The following HEATR5B variants were observed in gnomAD, a reference collection of about 807,000 sequenced individuals.
The protein encoded by HEATR5B is HEAT repeat containing 5B, also known as HEAT repeat-containing protein 5B.
Under a neutral mutation model 224.1 loss-of-function variants are expected in HEATR5B, and 156 were observed. The observed-to-expected ratio is 0.70, with a 90% CI of 0.61 to 0.80. The LOEUF (loss-of-function observed/expected upper bound fraction) is 0.80. HEATR5B is among the 30% of genes least tolerant of loss of function. HEATR5B has a pLI of 0.00. For synonymous variants in HEATR5B, 1,027 were observed against 893.0 expected (o/e 1.15, Z -2.68); for missense variants, 2,323 against 2,535.5 (o/e 0.92, Z 1.80).
intron 19 of HEATR5B, 131 bp downstream of exon 19, chr2:37,041,002 G>T: frequency 1.5e-6 from 1 of 670,580 alleles, no homozygotes; most frequent in Non-Finnish European, 2.5e-6. Context: ...ATCTTGCTAT[G>T]TACTATTACA....
Position 37,000,202 on chromosome 2 carries a change from C to G in HEATR5B, c.5545+384G>C, listed in dbSNP as rs187116864. Among the ~76,000 whole-genome samples, 350 of 151,952 alleles carry G rather than the reference C, an allele frequency of 2.3e-3. 1 individual carries two copies. Among genetic ancestry groups the G allele is most frequent in the Non-Finnish European group, 3.6e-3 (245 of 67,950 alleles). On this transcript the variant is annotated intron_variant, in intron 33 of 35. Coordinates refer to ENST00000233099, the MANE Select transcript of HEATR5B (RefSeq NM_019024.3). Reference sequence around the variant, plus strand: ...AAGCAATTCTCCTGCCTCAGCCTCCCAAGTAGCTGGGATTACAGGCACGTG... The same window carrying G: ...AAGCAATTCTCCTGCCTCAGCCTCCGAAGTAGCTGGGATTACAGGCACGTG...
At chr2:37,058,036 T>C (rs1158342923) in intron 14 of HEATR5B, among the ~76,000 whole-genome samples, 1 of 152,196 alleles carries the variant, frequency 6.6e-6, no homozygotes, top group Non-Finnish European at 1.5e-5. Context: ...CTCCAGATCC[T>C]CGAATTATTT....
Position 37,007,338 on chromosome 2 carries a change from T to C in HEATR5B, c.4523-34A>G, listed in dbSNP as rs768328395. Reference sequence around the variant, plus strand: ...CAATCAAATCAATTAAAAACATTACTTTTTTTTTTTTTTTTTTTTTTTTGA... The same window carrying C: ...CAATCAAATCAATTAAAAACATTACCTTTTTTTTTTTTTTTTTTTTTTTGA... On this transcript the variant is annotated intron_variant, in intron 28 of 35. Transcript: ENST00000233099. 12 of 151,452 alleles carry C rather than the reference T, an allele frequency of 7.9e-5. No individual in the cohort carries two copies. In the East Asian group the frequency reaches 9.7e-3, roughly 122 times the overall value. The allele number at this position is 151,452 out of a possible 1,614,324, so 9.4% of individuals were successfully genotyped here. A position where few individuals can be genotyped will look rare whatever the true frequency, so the allele number is the denominator to read the frequency against.
rs765382885 is a variant in HEATR5B, at chr2:37,000,754, C to A, written c.5377G>T (p.Ala1793Ser). The part of the protein sequence containing the change: ...FLIARILKDT[A>S]IKSADNQVPP... ...ACCTGATTATCTGCAGACTTTATTGCTGTGTCTTTCAATATTCTTGCAATT... is the reference window on the plus strand; with the variant it reads ...ACCTGATTATCTGCAGACTTTATTGATGTGTCTTTCAATATTCTTGCAATT... Residue 1793 changes from alanine to serine, a missense_variant, in exon 33 of 36, where the codon GCA becomes TCA. By Grantham distance (99) the Ala-to-Ser change is moderately conservative (BLOSUM62 1). Around this residue, in one of 12 missense-constraint regions of HEATR5B, gnomAD observed 844 missense variants for 812.9 expected, o/e 1.04. Coordinates refer to ENST00000233099, the MANE Select transcript of HEATR5B (RefSeq NM_019024.3). 6.2e-7 allele frequency: 1 copy of A among 1,614,002 alleles called. No homozygotes were observed.
At chr2:37,038,918 G>GA (rs1553313678) in intron 20 of HEATR5B, among the ~76,000 whole-genome samples, 7 of 144,616 alleles carry the variant, frequency 4.8e-5, no homozygotes, top group Non-Finnish European at 1.1e-4. Flanking sequence ...GGGGGGGGTG[G>GA]GGAATCACAT....
intron 2 of HEATR5B, among the ~76,000 whole-genome samples, chr2:37,081,463 A>T (rs901207617): frequency 6.6e-6 from 1 of 152,226 alleles, no homozygotes; most frequent in Non-Finnish European, 1.5e-5. Context: ...AGAAAGAATC[A>T]ACACAGTATT....
At position 37,003,647 on chromosome 2, in the gene HEATR5B, G is replaced by C; in HGVS notation, c.4945C>G (p.Leu1649Val). The change falls in exon 31 of 36, where the codon CTA (leucine) becomes GTA (valine). Residue 1649 changes from leucine to valine, a missense_variant. Leu to Val is a conservative substitution (Grantham distance 32). Transcript: ENST00000233099. ...ACAGATGATGGATTCCAGGTCAATAGAAGGCGGTGCAAAACACTCAGCAAC... is the reference window on the plus strand; with the variant it reads ...ACAGATGATGGATTCCAGGTCAATACAAGGCGGTGCAAAACACTCAGCAAC... ...VELLSVLHRL[L>V]LTWNPSSVQL... 2 of 1,612,244 alleles carry C rather than the reference G, an allele frequency of 1.2e-6. No homozygotes were observed. The highest frequency in any genetic ancestry group is 1.7e-6 in the Non-Finnish European group (2 of 1,178,884).
chr2:37,056,763 A>ATTAC, intron 15 of HEATR5B, 148 bp from the exon 16 acceptor site: 2 of 635,738 alleles, frequency 3.1e-6, no homozygotes, highest in Non-Finnish European at 5.1e-6. Flanking sequence ...AACAGACCAA[A>ATTAC]ATGTAATTTG....
At chr2:37,052,364 T>C (rs575610697) in intron 17 of HEATR5B, among the ~76,000 whole-genome samples, 1 of 152,132 alleles carries the variant, frequency 6.6e-6, no homozygotes, top group Non-Finnish European at 1.5e-5. Flanking sequence ...TGGGAACTTG[T>C]TTCTGTTCAT....
At chr2:37,051,987 G>A (rs1273926692) in intron 17 of HEATR5B, among the ~76,000 whole-genome samples, 6 of 152,004 alleles carry the variant, frequency 3.9e-5, no homozygotes, top group South Asian at 4.2e-4. Context: ...TGATCCCCCC[G>A]CCTCGGCCTC....
intron 7 of HEATR5B, among the ~76,000 whole-genome samples, chr2:37,069,859 AAC>A (rs1484760142): frequency 1.3e-5 from 2 of 152,060 alleles, no homozygotes; most frequent in Admixed American, 6.6e-5. Flanking sequence ...GTTACTTAGT[AAC>A]AGTTTTCCAC....
At chr2:37,077,863 C>T (rs936549648) in intron 3 of HEATR5B, among the ~76,000 whole-genome samples, 1 of 152,150 alleles carries the variant, frequency 6.6e-6, no homozygotes, top group Non-Finnish European at 1.5e-5. Flanking sequence ...TAATACTATA[C>T]TATTAGTAAA....
rs1205876501 is a variant in HEATR5B at position 37,053,553 on chromosome 2, G to A, written c.2454C>T (p.Arg818=). The A allele has an allele frequency of 6.2e-7, 1 of 1,610,256 alleles. No individual in the cohort carries two copies. Among genetic ancestry groups the A allele is most frequent in the Non-Finnish European group, 8.5e-7 (1 of 1,177,226 alleles). Reference sequence around the variant, plus strand: ...ATATGTTAAGCTGCACAGCCTGCTGGCGGACACCTTTAGCTTGTTTAACAC... The same window carrying A: ...ATATGTTAAGCTGCACAGCCTGCTGACGGACACCTTTAGCTTGTTTAACAC... ...AECVKQAKGV[R]QQAVQLNIFT... Residue 818 remains arginine (R), a synonymous_variant, in exon 17 of 36, where the codon CGC becomes CGT. Transcript: ENST00000233099.
In HEATR5B at chr2:37,076,894, T is replaced by C. The variant is rs766405611; in HGVS notation, c.447+17A>G. ...GCCACAAGCAAATATTCAAATAATA[T>C]TGGTTGTAAAACTTACCTCTGCACT... On this transcript the variant is annotated intron_variant, in intron 4 of 35. Transcript: ENST00000233099. 7.8e-6 allele frequency: 12 copies of C among 1,546,288 alleles called. 1 individual carries two copies. In the South Asian group the frequency reaches 1.1e-4, roughly 14 times the overall value.
Position 37,000,748 on chromosome 2 carries a change from T to G in HEATR5B, c.5383A>C (p.Lys1795Gln). 6.2e-7 allele frequency: 1 copy of G among 1,614,204 alleles called. No homozygotes were observed. Among genetic ancestry groups the G allele is most frequent in the Non-Finnish European group, 8.5e-7 (1 of 1,180,018 alleles). Reference sequence around the variant, plus strand: ...GGAGGAACCTGATTATCTGCAGACTTTATTGCTGTGTCTTTCAATATTCTT... The same window carrying G: ...GGAGGAACCTGATTATCTGCAGACTGTATTGCTGTGTCTTTCAATATTCTT... ...IARILKDTAI[K>Q]SADNQVPPPV... The change falls in exon 33 of 36, where the codon AAG becomes CAG. Residue 1795 changes from lysine to glutamine, a missense_variant. Coordinates refer to ENST00000233099, the MANE Select transcript of HEATR5B (RefSeq NM_019024.3).
intron 33 of HEATR5B, among the ~76,000 whole-genome samples, chr2:36,993,533 ACT>A (rs1666478778): frequency 1.3e-5 from 2 of 150,244 alleles, no homozygotes; most frequent in South Asian, 4.2e-4. Context: ...ACAGAGTGAG[ACT>A]CTGTTTAAAA....
chr2:37,061,691 C>A (rs568012785), intron 11 of HEATR5B, among the ~76,000 whole-genome samples: 116 of 152,266 alleles, frequency 7.6e-4, no homozygotes, highest in African/African-American at 2.7e-3. Flanking sequence ...CTAAACTCAT[C>A]AGGTAGACAA....
chr2:37,075,502 G>C lies in HEATR5B; in HGVS notation c.580C>G (p.Arg194Gly). 1.2e-6 allele frequency: 2 copies of C among 1,612,684 alleles called. No individual in the cohort carries two copies. Among genetic ancestry groups the C allele is most frequent in the East Asian group, 2.2e-5 (1 of 44,786 alleles). The part of the protein sequence containing the change: ...SLLTDRSMAV[R>G]CAVAKCLLEL... ...GTACTAACCTTGGCCACTGCACATC[G>C]AACAGCCATTGACCTATCAGTCAAG... Residue 194 changes from arginine to glycine, a missense_variant, in exon 5 of 36, where the codon CGA becomes GGA. Transcript: ENST00000233099.
chr2:37,048,862 T>A (rs1027305460), intron 18 of HEATR5B, among the ~76,000 whole-genome samples: 1 of 152,190 alleles, frequency 6.6e-6, no homozygotes, highest in Non-Finnish European at 1.5e-5. Flanking sequence ...AGATAGGCAA[T>A]AATTCAGAAA....
Sources: allele counts gnomAD v4.1 joint callset (sites outside exome capture counted in the v4.1 genomes callset), GRCh38; gene constraint gnomAD v4.1.1; regional missense constraint gnomAD v4.1.1; transcripts MANE v1.5; gene names NCBI Gene and HGNC (gene_info 2026-07-23, HGNC 2026-07-21).